The following SYBU variants were observed in gnomAD, a reference collection of about 807,000 sequenced individuals.
SYBU encodes syntabulin.
A neutral mutation model predicts 35.9 loss-of-function variants in SYBU; 21 were observed. That is an observed-to-expected ratio of 0.58 (90% CI 0.41 to 0.84). SYBU has a LOEUF of 0.84. Among genes scored for constraint, SYBU ranks in the 40% least tolerant of loss-of-function variants. SYBU has a pLI of 0.00. For synonymous variants in SYBU, 319 were observed against 324.3 expected, an observed-to-expected ratio of 0.98 and a Z score of 0.18; for missense variants, 768 against 848.2, an observed-to-expected ratio of 0.91 and a Z score of 1.17.
intron 1 of SYBU, among the ~76,000 whole-genome samples, chr8:109,663,295 A>C (rs1433536386): frequency 1.3e-5 from 2 of 150,958 alleles, no homozygotes. Context: ...ATAGATAGAT[A>C]GATAGGTAGA....
intron 3 of SYBU, among the ~76,000 whole-genome samples, chr8:109,595,935 A>G (rs1382708026): frequency 2.0e-5 from 3 of 152,204 alleles, no homozygotes; most frequent in Non-Finnish European, 4.4e-5. Flanking sequence ...CTAATAAAAT[A>G]TGCAAACATA....
intron 3 of SYBU, among the ~76,000 whole-genome samples, chr8:109,610,259 C>T (rs902649771): frequency 1.8e-4 from 27 of 152,208 alleles, no homozygotes; most frequent in African/African-American, 5.1e-4. Context: ...ATCTCCCCCA[C>T]GTTAAAGGTA....
In SYBU at chr8:109,691,311, C is replaced by G; in HGVS notation, c.-58+22G>C. On this transcript the variant is annotated intron_variant, in intron 1 of 7. Transcript: ENST00000422135. The surrounding 1 kb of genome is among the most constrained non-coding windows in gnomAD (Gnocchi z 4.7). The stretch of plus-strand genomic sequence containing the variant: ...GTCCGCGGGCACTGACAGCAGAGAC[C>G]GCATAGGCGCCCCGGTCTTACCCTT... The G allele has an allele frequency of 1.4e-6, 1 of 700,746 alleles. No homozygotes were observed. Among genetic ancestry groups the G allele is most frequent in the South Asian group, 1.5e-5 (1 of 67,272 alleles). The allele number at this position is 700,746 out of a possible 1,614,324, so 43.4% of individuals were successfully genotyped here.
chr8:109,575,386 C>G lies in SYBU; in HGVS notation c.1512G>C (p.Gln504His), dbSNP rs147762841. 1.4e-4 allele frequency: 223 copies of G among 1,614,142 alleles called. 1 individual carries two copies. In the African/African-American group the frequency reaches 2.7e-3, roughly 19 times the overall value. The change falls in exon 7 of 7, where the codon CAG becomes CAC. Residue 504 changes from glutamine (Q) to histidine (H), a missense_variant. Gln to His is a conservative substitution (Grantham distance 24, BLOSUM62 0). Transcript: ENST00000276646. ...GGTCCTGGAGCTTCTGCAGCACACT[C>G]TGAATGAGCTCTGAGATGGCTGGGC... The part of the protein sequence containing the change: ...PYSPAISELI[Q>H]SVLQKLQDPC...
intron 1 of SYBU, among the ~76,000 whole-genome samples, chr8:109,676,857 T>C (rs115056181): frequency 1.7e-3 from 264 of 152,328 alleles, no homozygotes; most frequent in African/African-American, 6.2e-3. Flanking sequence ...CTCTGCATAA[T>C]GAAGAACATG....
chr8:109,607,804 T>TC (rs1826214083), intron 3 of SYBU: 3 of 381,418 alleles, frequency 7.9e-6, no homozygotes, highest in Non-Finnish European at 1.3e-5. Context: ...CTACCACAAC[T>TC]AACTCACACA....
Position 109,586,074 on chromosome 8 carries a change from A to C in SYBU, c.516T>G (p.Ser172=), listed in dbSNP as rs766837011. 6.2e-7 allele frequency: 1 copy of C among 1,610,518 alleles called. No homozygotes were observed. The highest frequency in any genetic ancestry group is 1.7e-5 in the Admixed American group (1 of 59,580). The part of the protein sequence containing the change: ...VHMSTAGSKR[S]SSSRNRGPHG... Reference sequence around the variant, plus strand: ...ATGGTGCCTACTTGCGTGAAGAAGAAGACCGCTTGCTTCCCGCAGTCGACA... The same window carrying C: ...ATGGTGCCTACTTGCGTGAAGAAGACGACCGCTTGCTTCCCGCAGTCGACA... Residue 172 remains serine (S), a synonymous_variant, in exon 4 of 7, where the codon TCT becomes TCG. Coordinates refer to ENST00000276646, the MANE Select transcript of SYBU (RefSeq NM_001099754.2).
rs965672926 is a variant in SYBU at position 109,574,444 on chromosome 8, G to C, written c.*462C>G. On this transcript the variant is annotated 3_prime_UTR_variant, in exon 7 of 7. Coordinates refer to ENST00000276646, the MANE Select transcript of SYBU (RefSeq NM_001099754.2). ...AGTAAGACAGTAAAGAGCTATTCAA[G>C]ACTTCTTCAAACCAATTACACAAAT... 6.5e-6 allele frequency: 1 copy of C among 153,722 alleles called. No individual in the cohort carries two copies. Among genetic ancestry groups the C allele is most frequent in the Non-Finnish European group, 1.5e-5 (1 of 68,814 alleles). The allele number at this position is 153,722 out of a possible 1,614,324, so 9.5% of individuals were successfully genotyped here.
chr8:109,642,170 T>C (rs1028229942), intron 2 of SYBU, among the ~76,000 whole-genome samples: 11 of 152,108 alleles, frequency 7.2e-5, no homozygotes, highest in African/African-American at 2.7e-4. Context: ...TGGATGAAGC[T>C]GGAAACCATC....
chr8:109,653,207 A>T (rs1816220453), intron 1 of SYBU, among the ~76,000 whole-genome samples: 1 of 152,082 alleles, frequency 6.6e-6, no homozygotes, highest in Admixed American at 6.5e-5. Context: ...AAAAAATACT[A>T]ATCTTTATAT....
intron 3 of SYBU, among the ~76,000 whole-genome samples, chr8:109,587,058 G>T (rs888355939): frequency 2.0e-5 from 3 of 152,114 alleles, no homozygotes; most frequent in East Asian, 1.9e-4. Context: ...AGAAGAAAAA[G>T]AATTTTTTAA....
intron 3 of SYBU, among the ~76,000 whole-genome samples, chr8:109,594,679 G>A (rs968493567): frequency 2.6e-5 from 4 of 152,130 alleles, no homozygotes; most frequent in Non-Finnish European, 5.9e-5. Context: ...CACTCAGAGT[G>A]TCAGGAAGGT....
In SYBU at chr8:109,669,170, G is replaced by A. The variant is rs569274211; in HGVS notation, c.-129+11541C>T. ...ATCCTGGCTAACACGGTGAAACCCC[G>A]TCTCTACTAAAAATACAAAAAATTA... is the stretch of plus-strand genomic sequence containing the variant. On this transcript the variant is annotated intron_variant, in intron 1 of 5. Transcript: ENST00000408889. 5.1e-4 allele frequency among the ~76,000 whole-genome samples: 78 copies of A among 151,700 alleles called. 1 individual carries two copies. Among genetic ancestry groups the A allele is most frequent in the South Asian group, 4.0e-3 (19 of 4,806 alleles).
Position 109,672,387 on chromosome 8 carries a change from A to G in SYBU, c.-129+8324T>C, listed in dbSNP as rs1398466200. ...GGGTGCAGCCCACAGAGGGCAAGCTAAAGCAAGGTGGAGCATTGCCTCACC... is the reference window on the plus strand; with the variant it reads ...GGGTGCAGCCCACAGAGGGCAAGCTGAAGCAAGGTGGAGCATTGCCTCACC... On this transcript the variant is annotated intron_variant, in intron 1 of 5. Transcript: ENST00000408889. Among the ~76,000 whole-genome samples the G allele has an allele frequency of 2.6e-5, 4 of 152,156 alleles. No homozygotes were observed. In the East Asian group the frequency reaches 7.7e-4, roughly 29 times the overall value.
At chr8:109,592,435 CAGGGGAAATACT>C (rs1563694602) in intron 3 of SYBU, among the ~76,000 whole-genome samples, 1 of 148,806 alleles carries the variant, frequency 6.7e-6, no homozygotes, top group Non-Finnish European at 1.5e-5. Flanking sequence ...CTGAAAGTCC[CAGGGGAAATACT>C]AGTAGGTTTA....
intron 1 of SYBU, among the ~76,000 whole-genome samples, chr8:109,664,303 T>C (rs990502803): frequency 3.3e-5 from 5 of 152,038 alleles, no homozygotes; most frequent in Middle Eastern, 3.4e-3. Context: ...TTTTATGAGG[T>C]AGGGAAGAAT....
intron 1 of SYBU, among the ~76,000 whole-genome samples, chr8:109,656,284 T>A (rs1816352594): frequency 6.6e-6 from 1 of 152,246 alleles, no homozygotes; most frequent in Non-Finnish European, 1.5e-5. Flanking sequence ...AACCGTAAGT[T>A]TGTTAAAACC....
chr8:109,614,894 T>C (rs1811564814), intron 3 of SYBU, among the ~76,000 whole-genome samples: 1 of 152,230 alleles, frequency 6.6e-6, no homozygotes, highest in Non-Finnish European at 1.5e-5. Context: ...AACCAGTTCC[T>C]GCCTGGAAAC....
At chr8:109,590,786 A>G (rs1442589667) in intron 3 of SYBU, among the ~76,000 whole-genome samples, 1 of 151,542 alleles carries the variant, frequency 6.6e-6, no homozygotes, top group Non-Finnish European at 1.5e-5. Context: ...AAAAACTAAC[A>G]GAAAAATGGG....
Sources: allele counts gnomAD v4.1 joint callset (sites outside exome capture counted in the v4.1 genomes callset), GRCh38; gene constraint gnomAD v4.1.1; non-coding constraint Gnocchi (gnomAD v3.1); transcripts MANE v1.5; gene names NCBI Gene and HGNC (gene_info 2026-07-23, HGNC 2026-07-21).